The following RREB1 variants were observed in gnomAD, a reference collection of about 807,000 sequenced individuals.
RREB1 encodes ras responsive element binding protein 1.
A neutral mutation model predicts 117.8 loss-of-function variants in RREB1; 27 were observed. The observed-to-expected ratio is 0.23, with a 90% CI of 0.17 to 0.32. The LOEUF (loss-of-function observed/expected upper bound fraction) is 0.32, where lower values mean the gene tolerates loss of function less well. Ranked by LOEUF, RREB1 falls within the 10% of genes least tolerant of loss-of-function variation. The pLI is 1.00. For synonymous variants in RREB1, 1,298 were observed against 1,026.7 expected, an observed-to-expected ratio of 1.26 and a Z score of -5.05; for missense variants, 2,577 against 2,378.2, an observed-to-expected ratio of 1.08 and a Z score of -1.74.
At chr6:7,206,085 A>G (rs541187337) in intron 6 of RREB1, among the ~76,000 whole-genome samples, 7 of 152,370 alleles carry the variant, frequency 4.6e-5, no homozygotes, top group Non-Finnish European at 4.4e-5. Flanking sequence ...GTGCGGTAGG[A>G]TTCCTACTGT....
intron 1 of RREB1, among the ~76,000 whole-genome samples, chr6:7,165,771 A>G (rs1763900313): frequency 6.6e-6 from 1 of 151,974 alleles, no homozygotes; most frequent in African/African-American, 2.4e-5. Context: ...TGTTGACCCA[A>G]TTATTGCCCG....
At chr6:7,136,953 A>G (rs1223340310) in intron 1 of RREB1, among the ~76,000 whole-genome samples, 2 of 152,212 alleles carry the variant, frequency 1.3e-5, no homozygotes, top group African/African-American at 4.8e-5. Flanking sequence ...GAGGAGGGGA[A>G]AAGATGAAGC....
chr6:7,211,880 G>A lies in RREB1; in HGVS notation c.707+171G>A, dbSNP rs1766631172. ...GTGGGGAAAAAGTTGGCTGAGAGTT[G>A]TCAGAGGGTGGCTGTATCCACAGGG... On this transcript the variant is annotated intron_variant, in intron 8 of 12. Coordinates refer to ENST00000379938, the MANE Select transcript of RREB1 (RefSeq NM_001003699.4). The A allele has an allele frequency of 4.5e-6, 3 of 665,102 alleles. No individual in the cohort carries two copies. In the South Asian group the frequency reaches 5.7e-5, roughly 13 times the overall value. 41.2% of individuals were successfully genotyped at this position (665,102 alleles called of 1,614,324 possible).
At chr6:7,125,023 GTTCTGGC>G (rs1761848717) in intron 1 of RREB1, among the ~76,000 whole-genome samples, 1 of 152,222 alleles carries the variant, frequency 6.6e-6, no homozygotes, top group Non-Finnish European at 1.5e-5. Context: ...GGGGAAAACT[GTTCTGGC>G]TTGTGGAAAC....
In RREB1 at chr6:7,220,842, G is replaced by A. The variant is rs150835382; in HGVS notation, c.708-5625G>A. Among the ~76,000 whole-genome samples the A allele has an allele frequency of 2.4e-3, 373 of 152,352 alleles. 4 individuals are homozygous for A. The highest frequency in any genetic ancestry group is 2.8e-3 in the Non-Finnish European group (188 of 68,034). The stretch of plus-strand genomic sequence containing the variant: ...CCACAGACGGGTTGAGGAGAGAGTC[G>A]TGGGGACCACCTGGCCAGTGGCTGT... On this transcript the variant is annotated intron_variant, in intron 8 of 12. Transcript: ENST00000379938.
intron 6 of RREB1, among the ~76,000 whole-genome samples, chr6:7,195,558 A>G (rs1250494817): frequency 6.6e-6 from 1 of 152,200 alleles, no homozygotes; most frequent in Non-Finnish European, 1.5e-5. Flanking sequence ...AAAAAGAGTA[A>G]TGCAACCCAG....
At chr6:7,233,455 T>A (rs899410163) in intron 10 of RREB1, among the ~76,000 whole-genome samples, 1 of 152,176 alleles carries the variant, frequency 6.6e-6, no homozygotes, top group African/African-American at 2.4e-5. Context: ...AATAAATAGA[T>A]AGGGCCTAAA....
At chr6:7,120,305 T>G (rs755952109) in intron 1 of RREB1, among the ~76,000 whole-genome samples, 3 of 151,934 alleles carry the variant, frequency 2.0e-5, no homozygotes, top group Non-Finnish European at 4.4e-5. Context: ...AATACAAACC[T>G]TAGCCGGGCA....
In RREB1 at chr6:7,248,617, C is replaced by T. The variant is rs371285444; in HGVS notation, c.4878C>T (p.His1626=). The T allele has an allele frequency of 5.3e-5, 86 of 1,614,128 alleles. No individual in the cohort carries two copies. The highest frequency in any genetic ancestry group is 6.9e-5 in the Non-Finnish European group (81 of 1,180,058). Residue 1626 remains histidine (H), a synonymous_variant, in exon 13 of 13, where the codon CAC becomes CAT. Coordinates refer to ENST00000379938, the MANE Select transcript of RREB1 (RefSeq NM_001003699.4). ...AGAAAGCCAGGCATGCCAAACACCA[C>T]GGGAAGGACAGCGACAAGGAAGAGC... is the stretch of plus-strand genomic sequence containing the variant. The part of the protein sequence containing the change: ...IHQKARHAKH[H]GKDSDKEERG...
At chr6:7,179,370 C>T (rs1035315126) in intron 2 of RREB1, among the ~76,000 whole-genome samples, 8 of 152,048 alleles carry the variant, frequency 5.3e-5, no homozygotes, top group African/African-American at 1.4e-4. Context: ...GCAATCCTAC[C>T]GCCTCGGCCT....
rs531945309 is a variant in RREB1, at chr6:7,191,342, T to C, written c.425+2020T>C. The stretch of plus-strand genomic sequence containing the variant: ...TAAATAATAGTTCATTGTAGAAATA[T>C]GATACATTTTACTTATCCCTTGATC... On this transcript the variant is annotated intron_variant, in intron 6 of 12. Transcript: ENST00000379938. Among the ~76,000 whole-genome samples the C allele has an allele frequency of 5.9e-5, 9 of 152,346 alleles. No homozygotes were observed. In the South Asian group the frequency reaches 1.4e-3, roughly 25 times the overall value.
Position 7,231,927 on chromosome 6 carries a change from C to T in RREB1, c.3808+20C>T, listed in dbSNP as rs749066241. ...ACACTGGTAAGAGGGCCACCGGGCT[C>T]CCAGGCAGTGAGTCCTACTTCCTGG... On this transcript the variant is annotated intron_variant, in intron 10 of 12. Transcript: ENST00000379938. The T allele has an allele frequency of 5.8e-6, 9 of 1,559,798 alleles. No homozygotes were observed. The African/African-American group carries it at 1.1e-4, about 19-fold the overall frequency.
chr6:7,206,829 T>G (rs1439038688), intron 6 of RREB1, among the ~76,000 whole-genome samples: 5 of 31,636 alleles, frequency 1.6e-4, no homozygotes, highest in African/African-American at 9.5e-4. Context: ...AGCAAGCATC[T>G]TGAGTCCCAG....
chr6:7,151,212 A>G (rs913677477), intron 1 of RREB1, among the ~76,000 whole-genome samples: 1 of 152,216 alleles, frequency 6.6e-6, no homozygotes, highest in African/African-American at 2.4e-5. Flanking sequence ...AGTCTGCTTT[A>G]AACACTGACT....
At position 7,249,058 on chromosome 6, in the gene RREB1, GGAGTGAGAGAGA is replaced by G. The variant is rs1479229888; in HGVS notation, c.*94_*105del. The stretch of plus-strand genomic sequence containing the variant: ...TTCCTCAGTGCCCTTTGGCTGTTGA[GGAGTGAGAGAGA>G]GAGAGAGAGAGAGAGAGAGAGAGAG... On this transcript the variant is annotated 3_prime_UTR_variant, in exon 13 of 13. Coordinates refer to ENST00000379938, the MANE Select transcript of RREB1 (RefSeq NM_001003699.4). The G allele has an allele frequency of 3.0e-5, 23 of 763,442 alleles. No homozygotes were observed. The highest frequency in any genetic ancestry group is 4.0e-5 in the Non-Finnish European group (21 of 524,176). 47.3% of individuals were successfully genotyped at this position (763,442 alleles called of 1,614,324 possible).
chr6:7,128,415 C>T (rs138204947), intron 1 of RREB1, among the ~76,000 whole-genome samples: 53 of 152,092 alleles, frequency 3.5e-4, no homozygotes, highest in African/African-American at 1.1e-3. Flanking sequence ...TTAGTGGGTT[C>T]GACCAGGGCA....
At chr6:7,213,580 G>C (rs2113625496) in intron 8 of RREB1, 1 of 152,408 alleles carries the variant, frequency 6.6e-6, no homozygotes, top group Middle Eastern at 3.4e-3. Flanking sequence ...ACAGGTTCAG[G>C]AATGTTCACA....
intron 1 of RREB1, among the ~76,000 whole-genome samples, chr6:7,156,177 A>G (rs1243036447): frequency 6.6e-6 from 1 of 152,238 alleles, no homozygotes; most frequent in Non-Finnish European, 1.5e-5. Context: ...CTTGGAGTTT[A>G]GTAATTGAAG....
intron 1 of RREB1, among the ~76,000 whole-genome samples, chr6:7,157,181 C>T (rs1374287113): frequency 6.6e-6 from 1 of 152,140 alleles, no homozygotes; most frequent in Non-Finnish European, 1.5e-5. Flanking sequence ...TCTGAAATCC[C>T]AGCACTTTGG....
Sources: gnomAD v4.1 joint callset for allele counts (sites outside exome capture counted in the v4.1 genomes callset) on GRCh38, gnomAD v4.1.1 for gene constraint, MANE v1.5 for transcripts, NCBI Gene and HGNC (gene_info 2026-07-23, HGNC 2026-07-21) for gene names.